SIK3: variants seen among roughly 807,000 people sequenced by gnomAD.
The protein encoded by SIK3 is serine/threonine-protein kinase SIK3.
A neutral mutation model predicts 144.2 loss-of-function variants in SIK3; 28 were observed. The ratio of observed to expected loss-of-function variants is 0.19; its 90% CI spans 0.14 to 0.27. The LOEUF is 0.27. SIK3 is among the 10% of genes least tolerant of loss of function. The pLI, the probability that SIK3 is intolerant of heterozygous loss-of-function variation, is 1.00. For missense variants in SIK3, 1,319 were observed against 1,776.0 expected, an observed-to-expected ratio of 0.74 and a Z score of 4.62; for synonymous variants, 686 against 676.3, an observed-to-expected ratio of 1.01 and a Z score of -0.22.
intron 6 of SIK3, among the ~76,000 whole-genome samples, chr11:116,885,571 AC>A: frequency 6.6e-6 from 1 of 152,088 alleles, no homozygotes; most frequent in East Asian, 1.9e-4. Context: ...GTATCTTTTG[AC>A]TCCTAGTATC....
Position 116,947,569 on chromosome 11 carries a change from A to T in SIK3, c.454+6475T>A, listed in dbSNP as rs868783593. 4.9e-3 allele frequency among the ~76,000 whole-genome samples: 538 copies of T among 109,422 alleles called. 6 individuals are homozygous for T. In the South Asian group the frequency reaches 0.053, roughly 11 times the overall value. 71.8% of individuals were successfully genotyped at this position (109,422 alleles called of 152,430 possible). A position where few individuals can be genotyped will look rare whatever the true frequency, so the allele number is the denominator to read the frequency against. ...TATGTATGTATGTATGTATGTATGT[A>T]TTTTTTTTTTTTTTGAGACAGAGTC... On this transcript the variant is annotated intron_variant, in intron 3 of 24. Transcript: ENST00000445177.
chr11:116,923,512 G>C (rs1056322417), intron 4 of SIK3, among the ~76,000 whole-genome samples: 1 of 152,212 alleles, frequency 6.6e-6, no homozygotes, highest in South Asian at 2.1e-4. Context: ...AAAGAACTGG[G>C]AGGTGAGAAT....
At chr11:117,098,084 G>T in intron 1 of SIK3, 59 bp downstream of exon 1, 2 of 1,304,490 alleles carry the variant, frequency 1.5e-6, no homozygotes, top group South Asian at 1.7e-5. Context: ...CGGCTGGGGG[G>T]CGCGGACCTC....
chr11:116,966,851 A>C (rs954566709), intron 1 of SIK3, among the ~76,000 whole-genome samples: 2 of 151,752 alleles, frequency 1.3e-5, no homozygotes, highest in Admixed American at 6.6e-5. Context: ...AATACAAAAA[A>C]AAAATTAGCC....
intron 1 of SIK3, among the ~76,000 whole-genome samples, chr11:117,008,196 A>C (rs1429719343): frequency 1.3e-5 from 2 of 152,076 alleles, no homozygotes; most frequent in Non-Finnish European, 2.9e-5. Flanking sequence ...ACAAGTAGGC[A>C]ATTTTGCCCT....
At chr11:116,927,510 A>C (rs1419592818) in intron 3 of SIK3, 130 bp from the exon 4 acceptor site, 2 of 732,874 alleles carry the variant, frequency 2.7e-6, no homozygotes, top group Non-Finnish European at 4.6e-6. Flanking sequence ...TGAGAGAACA[A>C]CACATTGATA....
At chr11:117,091,078 C>T (rs1264571773) in intron 1 of SIK3, among the ~76,000 whole-genome samples, 1 of 152,040 alleles carries the variant, frequency 6.6e-6, no homozygotes, top group Non-Finnish European at 1.5e-5. Flanking sequence ...ACTCCAGCTC[C>T]CCCACTAACT....
chr11:116,961,437 GTA>G (rs1372809581), intron 1 of SIK3, among the ~76,000 whole-genome samples: 4 of 152,194 alleles, frequency 2.6e-5, no homozygotes, highest in African/African-American at 9.7e-5. Flanking sequence ...AGATAAATGA[GTA>G]TGAGTTTCAC....
chr11:116,998,079 G>A (rs1950728562), intron 1 of SIK3, among the ~76,000 whole-genome samples: 1 of 150,876 alleles, frequency 6.6e-6, no homozygotes, highest in South Asian at 2.1e-4. Context: ...GTCTCAAACT[G>A]TTGGGCTCAA....
intron 1 of SIK3, among the ~76,000 whole-genome samples, chr11:117,065,552 T>C (rs936439610): frequency 1.3e-4 from 20 of 152,184 alleles, no homozygotes; most frequent in African/African-American, 4.6e-4. Flanking sequence ...AAATATTCTA[T>C]ACAGCGGAGT....
intron 1 of SIK3, among the ~76,000 whole-genome samples, chr11:117,057,081 G>C (rs532282989): frequency 1.3e-5 from 2 of 152,246 alleles, no homozygotes; most frequent in South Asian, 2.1e-4. Context: ...TCCCTCAATG[G>C]AGACATCTTG....
chr11:116,993,514 C>T (rs1292203998), intron 1 of SIK3, among the ~76,000 whole-genome samples: 1 of 152,138 alleles, frequency 6.6e-6, no homozygotes, highest in Non-Finnish European at 1.5e-5. Context: ...GGTTACTTAG[C>T]TTCTAAAAAT....
intron 19 of SIK3, 78 bp from the exon 20 acceptor site, chr11:116,859,682 A>T: frequency 8.2e-7 from 1 of 1,214,076 alleles, no homozygotes; most frequent in East Asian, 2.4e-5. Flanking sequence ...TAATGAGAAT[A>T]CTCAGACGAC....
At chr11:116,864,038 T>C in intron 15 of SIK3, 1 of 428,470 alleles carries the variant, frequency 2.3e-6, no homozygotes, top group East Asian at 4.5e-5. Flanking sequence ...TTACCTTCGG[T>C]TGGCTTACTT....
chr11:116,947,518 AATATATAT>A (rs139398268), intron 3 of SIK3, among the ~76,000 whole-genome samples: 12,862 of 132,264 alleles, frequency 0.097, 779 homozygotes, highest in African/African-American at 0.16. Flanking sequence ...TAGCTAGGGA[AATATATAT>A]ATATATATGT....
intron 4 of SIK3, among the ~76,000 whole-genome samples, chr11:116,925,197 T>G (rs557610656): frequency 2.1e-4 from 32 of 150,170 alleles, no homozygotes; most frequent in African/African-American, 7.4e-4. Flanking sequence ...TGCAGTGAGC[T>G]GAGATCACGC....
intron 1 of SIK3, among the ~76,000 whole-genome samples, chr11:117,031,060 T>C (rs1304852188): frequency 1.3e-5 from 2 of 152,200 alleles, no homozygotes; most frequent in African/African-American, 4.8e-5. Flanking sequence ...GTAGTCTTTA[T>C]TGGATATGTG....
intron 1 of SIK3, among the ~76,000 whole-genome samples, chr11:117,027,104 T>A (rs542389012): frequency 6.6e-6 from 1 of 152,346 alleles, no homozygotes; most frequent in South Asian, 2.1e-4. Context: ...AGTGATTCAT[T>A]TGGTAGGAAC....
rs546820216 is a variant in SIK3, at chr11:116,875,067, A to G, written c.1427+91T>C. The stretch of plus-strand genomic sequence containing the variant: ...GGATTAGATCTCCTCTGGGGATACA[A>G]TGTAGTAGGAAATGTGCCATGGTAG... On this transcript the variant is annotated intron_variant, in intron 11 of 24. Coordinates refer to ENST00000445177, the MANE Select transcript of SIK3 (RefSeq NM_001366686.3). 30 of 953,826 alleles carry G rather than the reference A, an allele frequency of 3.1e-5. No individual in the cohort carries two copies. In the African/African-American group the frequency reaches 4.0e-4, roughly 13 times the overall value. The allele number at this position is 953,826 out of a possible 1,614,324, so 59.1% of individuals were successfully genotyped here.
Sources: allele counts gnomAD v4.1 joint callset (sites outside exome capture counted in the v4.1 genomes callset), GRCh38; gene constraint gnomAD v4.1.1; transcripts MANE v1.5; gene names NCBI Gene and HGNC (gene_info 2026-07-23, HGNC 2026-07-21).